NCKAP1: variants seen among roughly 807,000 people sequenced by gnomAD.
NCKAP1 encodes nck-associated protein 1.
A neutral mutation model predicts 151.2 loss-of-function variants in NCKAP1; 21 were observed. The observed-to-expected ratio is 0.14, with a 90% CI of 0.10 to 0.20. NCKAP1 has a LOEUF of 0.20. Ranked by LOEUF, NCKAP1 falls within the 10% of genes least tolerant of loss-of-function variation. The pLI, the probability that NCKAP1 is intolerant of heterozygous loss-of-function variation, is 1.00. For synonymous variants in NCKAP1, 484 were observed against 451.8 expected, an observed-to-expected ratio of 1.07 and a Z score of -0.90; for missense variants, 933 against 1,352.1, an observed-to-expected ratio of 0.69 and a Z score of 4.86.
chr2:183,004,057 A>T (rs1164287523), intron 2 of NCKAP1, among the ~76,000 whole-genome samples: 1 of 152,194 alleles, frequency 6.6e-6, no homozygotes, highest in African/African-American at 2.4e-5. Context: ...GATTCTCAGA[A>T]TTCCAATAAA....
intron 20 of NCKAP1, among the ~76,000 whole-genome samples, chr2:182,954,573 A>G (rs1697285414): frequency 6.6e-6 from 1 of 152,074 alleles, no homozygotes; most frequent in South Asian, 2.1e-4. Flanking sequence ...CCAACCCACT[A>G]ATATTCACAA....
At chr2:182,995,291 T>C (rs879255889) in intron 7 of NCKAP1, among the ~76,000 whole-genome samples, 45 of 152,310 alleles carry the variant, frequency 3.0e-4, no homozygotes, top group African/African-American at 1.0e-3. Flanking sequence ...TATGTGTGTG[T>C]ATTCTCCATA....
chr2:182,971,741 A>T lies in NCKAP1; in HGVS notation c.1483-4380T>A, dbSNP rs983744906. Among the ~76,000 whole-genome samples the T allele has an allele frequency of 9.9e-5, 15 of 152,284 alleles. No homozygotes were observed. In the South Asian group the frequency reaches 2.9e-3, roughly 29 times the overall value. On this transcript the variant is annotated intron_variant, in intron 15 of 30. Coordinates refer to ENST00000361354, the MANE Select transcript of NCKAP1 (RefSeq NM_013436.5). ...CAAATATCAATGAAACGGAACACAG[A>T]ACCCAGAAATAAATCCACACATTTA... is the stretch of plus-strand genomic sequence containing the variant.
In NCKAP1 at chr2:182,981,333, G is replaced by A. The variant is rs779404989; in HGVS notation, c.1252C>T (p.His418Tyr). 6 of 1,613,122 alleles carry A rather than the reference G, an allele frequency of 3.7e-6. No homozygotes were observed. Among genetic ancestry groups the A allele is most frequent in the Non-Finnish European group, 5.1e-6 (6 of 1,179,338 alleles). ...ATTACAGGTCCGTATTTCCTCACATGTGCTCTAAGTTCTTCCATGTAAAAT... is the reference window on the plus strand; with the variant it reads ...ATTACAGGTCCGTATTTCCTCACATATGCTCTAAGTTCTTCCATGTAAAAT... The part of the protein sequence containing the change: ...LIFYMEELRA[H>Y]VRKYGPVMQR... Residue 418 changes from histidine (H) to tyrosine (Y), a missense_variant, in exon 13 of 31, where the codon CAT (histidine) becomes TAT (tyrosine). Transcript: ENST00000361354.
chr2:183,024,269 A>G (rs774440845), intron 1 of NCKAP1, among the ~76,000 whole-genome samples: 1 of 152,202 alleles, frequency 6.6e-6, no homozygotes, highest in East Asian at 1.9e-4. Context: ...TATTCAGTAG[A>G]GTACTAGACA....
intron 23 of NCKAP1, 66 bp downstream of exon 23, chr2:182,952,339 T>C: frequency 9.8e-7 from 1 of 1,016,536 alleles, no homozygotes; most frequent in Non-Finnish European, 1.5e-6. Flanking sequence ...GGCTTGTTGC[T>C]CATATCCCTG....
At chr2:182,963,503 T>C (rs1369792420) in intron 17 of NCKAP1, among the ~76,000 whole-genome samples, 1 of 152,150 alleles carries the variant, frequency 6.6e-6, no homozygotes, top group Non-Finnish European at 1.5e-5. Context: ...TGCCTTTGGC[T>C]ACGGTGCCAA....
intron 4 of NCKAP1, 123 bp downstream of exon 4, chr2:183,002,851 G>A (rs1036404260): frequency 6.3e-6 from 4 of 633,836 alleles, no homozygotes; most frequent in Admixed American, 3.1e-5. Flanking sequence ...TATAAAACAA[G>A]CCAAATTAAT....
At chr2:182,971,601 T>C (rs1697694157) in intron 15 of NCKAP1, among the ~76,000 whole-genome samples, 1 of 151,026 alleles carries the variant, frequency 6.6e-6, no homozygotes, top group African/African-American at 2.4e-5. Context: ...GCCAAATCAA[T>C]CCTGAAAAGT....
At chr2:182,987,166 C>T (rs557777433) in intron 9 of NCKAP1, among the ~76,000 whole-genome samples, 113 of 152,134 alleles carry the variant, frequency 7.4e-4, no homozygotes, top group Non-Finnish European at 1.2e-3. Context: ...CACTTGATGC[C>T]GTGAGGCAGA....
At chr2:182,946,269 C>G (rs1405255509) in intron 23 of NCKAP1, among the ~76,000 whole-genome samples, 4 of 151,912 alleles carry the variant, frequency 2.6e-5, no homozygotes, top group African/African-American at 7.3e-5. Flanking sequence ...GCGTGGCGGT[C>G]GGCGCCTGTA....
intron 6 of NCKAP1, among the ~76,000 whole-genome samples, chr2:182,999,783 G>A (rs774776392): frequency 1.3e-5 from 2 of 152,272 alleles, no homozygotes; most frequent in South Asian, 2.1e-4. Context: ...TGGATAAAGA[G>A]AGTGTGGTAT....
chr2:183,004,572 C>T (rs1698433647), intron 2 of NCKAP1, among the ~76,000 whole-genome samples: 1 of 150,512 alleles, frequency 6.6e-6, no homozygotes, highest in South Asian at 2.1e-4. Flanking sequence ...TATTGCACTC[C>T]CTGAAGACAT....
Position 182,926,741 on chromosome 2 carries a change from C to CT in NCKAP1, c.3270+74dup, listed in dbSNP as rs1256798201. 9 of 1,026,520 alleles carry CT rather than the reference C, an allele frequency of 8.8e-6. No individual in the cohort carries two copies. The Admixed American group carries it at 2.1e-4, about 24-fold the overall frequency. 63.6% of individuals were successfully genotyped at this position (1,026,520 alleles called of 1,614,324 possible). ...AGGGATCAAAAAAAGTATTCAATGA[C>CT]TAAGATGCCAAGAAAAGATTCTCAG... On this transcript the variant is annotated intron_variant, in intron 30 of 30. Transcript: ENST00000361354.
At chr2:182,985,387 GAATTA>G (rs1490024694) in intron 10 of NCKAP1, among the ~76,000 whole-genome samples, 2 of 151,878 alleles carry the variant, frequency 1.3e-5, no homozygotes, top group African/African-American at 2.4e-5. Context: ...AAATTATTTA[GAATTA>G]TTTTATGAGA....
chr2:183,003,386 AAACT>A, intron 2 of NCKAP1, 61 bp from the exon 3 acceptor site: 1 of 969,982 alleles, frequency 1.0e-6, no homozygotes, highest in Non-Finnish European at 1.6e-6. Context: ...ATTTTACTAC[AAACT>A]ATCTTCTTTT....
At position 182,925,155 on chromosome 2, in the gene NCKAP1, A is replaced by G. The variant is rs1696616167; in HGVS notation, c.*547T>C. ...TTTTGGGAAATGATCTGCTTCTAAT[A>G]CTAAGCAGTTCTTTAACATTTTTAA... On this transcript the variant is annotated 3_prime_UTR_variant, in exon 31 of 31. Coordinates refer to ENST00000361354, the MANE Select transcript of NCKAP1 (RefSeq NM_013436.5). The G allele has an allele frequency of 6.6e-6, 1 of 152,130 alleles. No individual in the cohort carries two copies. The highest frequency in any genetic ancestry group is 1.5e-5 in the Non-Finnish European group (1 of 67,974). The allele number at this position is 152,130 out of a possible 1,614,324, so 9.4% of individuals were successfully genotyped here.
At chr2:183,029,937 T>C (rs1303163945) in intron 1 of NCKAP1, among the ~76,000 whole-genome samples, 1 of 151,938 alleles carries the variant, frequency 6.6e-6, no homozygotes, top group Admixed American at 6.6e-5. Flanking sequence ...GCAAAACACC[T>C]ATGCTTTAGA....
At chr2:182,985,814 A>AG (rs1222368977) in intron 10 of NCKAP1, among the ~76,000 whole-genome samples, 5 of 152,092 alleles carry the variant, frequency 3.3e-5, no homozygotes, top group Admixed American at 2.0e-4. Context: ...AAAAAAAAAA[A>AG]AAAAGTAAAT....
Sources: allele counts gnomAD v4.1 joint callset (sites outside exome capture counted in the v4.1 genomes callset), GRCh38; gene constraint gnomAD v4.1.1; transcripts MANE v1.5; gene names NCBI Gene and HGNC (gene_info 2026-07-23, HGNC 2026-07-21).